Variants in TOP1MT observed in about 807,000 individuals in gnomAD.
TOP1MT encodes DNA topoisomerase I mitochondrial.
In TOP1MT, 80 loss-of-function variants were observed where a neutral mutation model predicts 73.9. The ratio of observed to expected loss-of-function variants is 1.08; its 90% CI spans 0.90 to 1.30. TOP1MT has a LOEUF of 1.30. Ranked by LOEUF, TOP1MT falls within the 50% of genes most tolerant of loss-of-function variation. The pLI is 0.00. For missense variants in TOP1MT, 815 were observed against 808.0 expected (o/e 1.01, Z -0.10); for synonymous variants, 338 against 326.4 (o/e 1.04, Z -0.38).
At chr8:143,347,688 G>GCAGGCAGCCAGCCAGC (rs892109676), upstream of TOP1MT, among the ~76,000 whole-genome samples, 18 of 149,986 alleles carry the variant, frequency 1.2e-4, no homozygotes, top group African/African-American at 4.5e-4. Flanking sequence ...CAGCAGGCAG[G>GCAGGCAGCCAGCCAGC]CAGCCAGCCA....
intron 2 of TOP1MT, among the ~76,000 whole-genome samples, chr8:143,342,776 C>CTACTATTATTATTAT (rs1554622823): frequency 1.3e-5 from 1 of 78,732 alleles, no homozygotes; most frequent in Admixed American, 1.4e-4. Context: ...GAGTCTTGCT[C>CTACTATTATTATTAT]TATTATTATT....
upstream of TOP1MT, among the ~76,000 whole-genome samples, chr8:143,345,729 A>C (rs149817347): frequency 4.9e-3 from 744 of 152,380 alleles, 3 homozygotes; most frequent in African/African-American, 0.017. Context: ...ATTCACACTT[A>C]AACTATACTG....
intron 2 of TOP1MT, among the ~76,000 whole-genome samples, chr8:143,342,011 CTGT>C (rs1328628457): frequency 2.8e-5 from 4 of 143,156 alleles, no homozygotes; most frequent in Non-Finnish European, 6.0e-5. Flanking sequence ...GAGTCTCGCT[CTGT>C]TATTATATTA....
chr8:143,322,212 C>T (rs1816446719), intron 7 of TOP1MT, among the ~76,000 whole-genome samples: 1 of 73,722 alleles, frequency 1.4e-5, no homozygotes, highest in African/African-American at 4.8e-5. Flanking sequence ...CACAGGCACG[C>T]CACACACAGG....
intron 7 of TOP1MT, among the ~76,000 whole-genome samples, chr8:143,322,414 C>T (rs528882813): frequency 2.0e-4 from 26 of 129,086 alleles, no homozygotes; most frequent in Non-Finnish European, 3.9e-4. Flanking sequence ...ACCACACACG[C>T]ACGCCACACA....
rs535956085 is a variant in TOP1MT at position 143,331,413 on chromosome 8, G to A, written c.123-74C>T. ...GAGCCTCTTCCCCGCTCCCACAGTGGCTCCTCCCTGTGGCTCCTAGCAGGT... is the reference window on the plus strand; with the variant it reads ...GAGCCTCTTCCCCGCTCCCACAGTGACTCCTCCCTGTGGCTCCTAGCAGGT... On this transcript the variant is annotated intron_variant, in intron 1 of 13. Transcript: ENST00000329245. The A allele has an allele frequency of 4.3e-5, 55 of 1,286,756 alleles. No homozygotes were observed. The Middle Eastern group carries it at 7.7e-4, about 18-fold the overall frequency. 79.7% of individuals were successfully genotyped at this position (1,286,756 alleles called of 1,614,324 possible).
rs1331090308 is a variant in TOP1MT at position 143,321,548 on chromosome 8, A to ACG, written c.961-163_961-162insCG. ...CGCACGCCACACACACGCACGCCAC[A>ACG]CACGCACGCCACACACACGCACGCC... On this transcript the variant is annotated intron_variant, in intron 7 of 13. Coordinates refer to ENST00000329245, the MANE Select transcript of TOP1MT (RefSeq NM_052963.3). 2.2e-4 allele frequency among the ~76,000 whole-genome samples: 26 copies of ACG among 116,940 alleles called. No homozygotes were observed. In the East Asian group the frequency reaches 2.8e-3, roughly 13 times the overall value. The allele number at this position is 116,940 out of a possible 152,430, so 76.7% of individuals were successfully genotyped here. A position where few individuals can be genotyped will look rare whatever the true frequency, so the allele number is the denominator to read the frequency against.
chr8:143,338,929 G>A (rs953336489), upstream of TOP1MT, among the ~76,000 whole-genome samples: 2 of 152,218 alleles, frequency 1.3e-5, no homozygotes, highest in African/African-American at 2.4e-5. Flanking sequence ...CCAAGGGAGC[G>A]GGGACAGGGC....
intron 13 of TOP1MT, 200 bp from the exon 14 acceptor site, chr8:143,309,743 C>A: frequency 1.3e-6 from 2 of 1,532,882 alleles, no homozygotes; most frequent in Non-Finnish European, 1.7e-6. Context: ...TCAAAGACAA[C>A]CTGCTGTGGC....
At chr8:143,349,217 T>A (rs1185093759), upstream of TOP1MT, among the ~76,000 whole-genome samples, 1 of 152,132 alleles carries the variant, frequency 6.6e-6, no homozygotes, top group African/African-American at 2.4e-5. Context: ...TTATACAAAT[T>A]GAGCTTTTCC....
rs201148475 is a variant in TOP1MT, at chr8:143,325,450, G to A, written c.567C>T (p.Phe189=). Residue 189 remains phenylalanine, a synonymous_variant, in exon 5 of 14, where the codon TTC becomes TTT. Coordinates refer to ENST00000329245, the MANE Select transcript of TOP1MT (RefSeq NM_052963.3). ...GGAACAAGCCAGGCGGCTCAATCTT[G>A]AAGTTGCCTATTTTTTCTTGGTGAC... ...LDGHQEKIGN[F]KIEPPGLFRG... The A allele has an allele frequency of 1.6e-5, 26 of 1,613,662 alleles. No individual in the cohort carries two copies. The Admixed American group carries it at 3.2e-4, about 20-fold the overall frequency.
At chr8:143,325,557 GAC>G (rs1563763206) in intron 4 of TOP1MT, 24 bp from the exon 5 acceptor site, 1 of 1,595,116 alleles carries the variant, frequency 6.3e-7, no homozygotes, top group Non-Finnish European at 8.6e-7. Context: ...ACAGTCAGTG[GAC>G]ATTAGCAGTG....
At chr8:143,332,416 A>G (rs1816882344) in intron 1 of TOP1MT, 3 of 1,134,198 alleles carry the variant, frequency 2.6e-6, no homozygotes, top group Non-Finnish European at 3.5e-6. Flanking sequence ...GATGGGGGAG[A>G]GTGAGATGGG....
chr8:143,347,377 G>C (rs1817243111), upstream of TOP1MT, among the ~76,000 whole-genome samples: 1 of 152,106 alleles, frequency 6.6e-6, no homozygotes, highest in Admixed American at 6.5e-5. Flanking sequence ...GGATGGTCTT[G>C]ATCTCCTGAC....
chr8:143,321,604 ACG>A (rs1206489452), intron 7 of TOP1MT, among the ~76,000 whole-genome samples: 3 of 110,712 alleles, frequency 2.7e-5, no homozygotes, highest in South Asian at 3.1e-4. Context: ...CGCACGCCAC[ACG>A]CACGCACGCC....
In TOP1MT at chr8:143,310,068, C is replaced by T; in HGVS notation, c.1703G>A (p.Trp568Ter). Residue 568 changes from tryptophan to a stop codon, truncating the protein, a stop_gained and splice_region_variant, in exon 13 of 14, where the codon TGG (tryptophan) becomes TAG (stop). Transcript: ENST00000329245. LOFTEE classifies it low-confidence loss of function (END_TRUNC). Reference protein sequence around the residue: ...NYLDPRISIAWCKRFRVPVEK... With the variant: ...NYLDPRISIA ...GAACTGAGACCCCAGGCACACGCAC[C>T]AGGCAATGCTGATCCTGGGGTCCAG... 2 of 1,612,194 alleles carry T rather than the reference C, an allele frequency of 1.2e-6. No homozygotes were observed. The highest frequency in any genetic ancestry group is 8.5e-7 in the Non-Finnish European group (1 of 1,179,910).
intron 1 of TOP1MT, among the ~76,000 whole-genome samples, chr8:143,350,885 C>T (rs1817308423): frequency 6.6e-6 from 1 of 152,206 alleles, no homozygotes; most frequent in African/African-American, 2.4e-5. Flanking sequence ...CCGACAGAGA[C>T]TGTCCTCGAC....
At chr8:143,348,107 C>A (rs1373340032), upstream of TOP1MT, among the ~76,000 whole-genome samples, 2 of 152,254 alleles carry the variant, frequency 1.3e-5, no homozygotes, top group Non-Finnish European at 2.9e-5. This position sits in a 1 kb window ranked among gnomAD's most constrained non-coding sequence, Gnocchi z 4.6. Flanking sequence ...AAAGTCCTGC[C>A]GCCTAAGCCC....
At chr8:143,323,166 CCACA>C (rs1231089398) in intron 7 of TOP1MT, among the ~76,000 whole-genome samples, 19 of 86,412 alleles carry the variant, frequency 2.2e-4, no homozygotes, top group Admixed American at 2.1e-3. Flanking sequence ...CACAGGCACG[CCACA>C]CACACAGGCA....
Sources: gnomAD v4.1 joint callset for allele counts (sites outside exome capture counted in the v4.1 genomes callset) on GRCh38, gnomAD v4.1.1 for gene constraint, Gnocchi (gnomAD v3.1) non-coding constraint, MANE v1.5 for transcripts, NCBI Gene and HGNC (gene_info 2026-07-23, HGNC 2026-07-21) for gene names.